CXCL17: variants seen among roughly 807,000 people sequenced by gnomAD.
CXCL17 encodes C-X-C motif chemokine ligand 17, also known as C-X-C motif chemokine 17.
Under a neutral mutation model 15.5 loss-of-function variants are expected in CXCL17, and 9 were observed. That is an observed-to-expected ratio of 0.58 (90% CI 0.35 to 1.01). The LOEUF is 1.01. CXCL17 is among the 50% of genes least tolerant of loss of function. The pLI is 0.02. For synonymous variants in CXCL17, 52 were observed against 52.3 expected, an observed-to-expected ratio of 0.99 and a Z score of 0.02; for missense variants, 133 against 138.2, an observed-to-expected ratio of 0.96 and a Z score of 0.19.
chr19:42,442,160 T>A (rs1244135654), intron 1 of CXCL17, among the ~76,000 whole-genome samples: 1 of 151,996 alleles, frequency 6.6e-6, no homozygotes, highest in Non-Finnish European at 1.5e-5. Context: ...AGCTAGTATA[T>A]ACATACATAC....
At chr19:42,435,582 C>T (rs763626090) in intron 1 of CXCL17, among the ~76,000 whole-genome samples, 11 of 152,098 alleles carry the variant, frequency 7.2e-5, no homozygotes, top group Admixed American at 2.0e-4. Flanking sequence ...CCTATAATCT[C>T]AGCAATTTGG....
intron 1 of CXCL17, among the ~76,000 whole-genome samples, chr19:42,440,108 A>G (rs10404650): frequency 0.017 from 2,557 of 152,310 alleles, 69 homozygotes; most frequent in African/African-American, 0.057. Context: ...GAAATGCATT[A>G]GATTTGTGAG....
At chr19:42,436,377 T>C (rs1226343756) in intron 1 of CXCL17, among the ~76,000 whole-genome samples, 1 of 152,214 alleles carries the variant, frequency 6.6e-6, no homozygotes, top group South Asian at 2.1e-4. Flanking sequence ...TTTCTAACAT[T>C]TTTACTCTTG....
chr19:42,429,110 C>T, intron 3 of CXCL17, 129 bp from the exon 4 acceptor site: 1 of 647,394 alleles, frequency 1.5e-6, no homozygotes, highest in Admixed American at 2.5e-5. Context: ...TCACTGCAAC[C>T]TCTGCCTCCC....
intron 3 of CXCL17, among the ~76,000 whole-genome samples, chr19:42,432,416 A>T (rs1464604484): frequency 3.3e-5 from 5 of 152,150 alleles, no homozygotes; most frequent in Admixed American, 3.3e-4. Flanking sequence ...AAGTACTGGG[A>T]TTACAGGCAT....
intron 3 of CXCL17, among the ~76,000 whole-genome samples, chr19:42,430,393 C>T (rs1297941946): frequency 6.6e-6 from 1 of 151,566 alleles, no homozygotes; most frequent in East Asian, 1.9e-4. Context: ...GTCAGGGGTT[C>T]GAGACCAGCC....
Position 42,429,122 on chromosome 19 carries a change from G to A in CXCL17, c.263-141C>T, listed in dbSNP as rs1347811921. The A allele has an allele frequency of 1.2e-5, 7 of 603,160 alleles. No individual in the cohort carries two copies. In the Admixed American group the frequency reaches 1.9e-4, roughly 16 times the overall value. 37.4% of individuals were successfully genotyped at this position (603,160 alleles called of 1,614,324 possible). A position where few individuals can be genotyped will look rare whatever the true frequency, so the allele number is the denominator to read the frequency against. Reference sequence around the variant, plus strand: ...AACTCACTGCAACCTCTGCCTCCCGGGTTCAAGTGATTCTCCTGCCTCAGC... The same window carrying A: ...AACTCACTGCAACCTCTGCCTCCCGAGTTCAAGTGATTCTCCTGCCTCAGC... On this transcript the variant is annotated intron_variant, in intron 3 of 3. Coordinates refer to ENST00000601181, the MANE Select transcript of CXCL17 (RefSeq NM_198477.3).
intron 1 of CXCL17, among the ~76,000 whole-genome samples, chr19:42,437,482 T>C (rs2040845174): frequency 6.6e-6 from 1 of 152,220 alleles, no homozygotes; most frequent in South Asian, 2.1e-4. Context: ...AGCTACTGGC[T>C]CTGTCACTTA....
chr19:42,429,374 G>A (rs1252780323), intron 3 of CXCL17, among the ~76,000 whole-genome samples: 1 of 151,656 alleles, frequency 6.6e-6, no homozygotes. Context: ...AGTTGCCCAG[G>A]CTGGAGTGCA....
chr19:42,435,533 A>G (rs2040825528), intron 1 of CXCL17, among the ~76,000 whole-genome samples: 3 of 151,882 alleles, frequency 2.0e-5, no homozygotes, highest in Non-Finnish European at 2.9e-5. Flanking sequence ...TGGTGTCCTT[A>G]TAAGAAAAGG....
In CXCL17 at chr19:42,433,494, A is replaced by T. The variant is rs189217782; in HGVS notation, c.160+282T>A. Among the ~76,000 whole-genome samples, 37 of 152,344 alleles carry T rather than the reference A, an allele frequency of 2.4e-4. 1 individual carries two copies. Among genetic ancestry groups the T allele is most frequent in the African/African-American group, 8.4e-4 (35 of 41,576 alleles). ...GGAAGCTTTTGGAAGGCCAGGAAAA[A>T]ATAAAAAGGCTTTTGGACGGTAGCT... On this transcript the variant is annotated intron_variant, in intron 2 of 3. Transcript: ENST00000601181.
chr19:42,433,497 A>G (rs550773005), intron 2 of CXCL17, among the ~76,000 whole-genome samples: 1 of 152,342 alleles, frequency 6.6e-6, no homozygotes, highest in African/African-American at 2.4e-5. Flanking sequence ...AGGAAAAAAT[A>G]AAAAGGCTTT....
chr19:42,434,575 T>C (rs553823973), intron 1 of CXCL17, among the ~76,000 whole-genome samples: 16 of 152,220 alleles, frequency 1.1e-4, no homozygotes, highest in African/African-American at 3.4e-4. Context: ...GCTTCAGGCA[T>C]GCACCACCAC....
At chr19:42,434,595 G>C (rs1327362913) in intron 1 of CXCL17, among the ~76,000 whole-genome samples, 1 of 151,900 alleles carries the variant, frequency 6.6e-6, no homozygotes, top group Non-Finnish European at 1.5e-5. Context: ...CTCCTGGCTA[G>C]TTTTTTGTAT....
At chr19:42,430,971 G>A (rs1202524052) in intron 3 of CXCL17, among the ~76,000 whole-genome samples, 1 of 152,058 alleles carries the variant, frequency 6.6e-6, no homozygotes, top group East Asian at 1.9e-4. Flanking sequence ...CTAAGTAGCT[G>A]GGATTACAGA....
At chr19:42,438,000 C>T (rs10416062) in intron 1 of CXCL17, among the ~76,000 whole-genome samples, 11,145 of 151,750 alleles carry the variant, frequency 0.073, 1,332 homozygotes, top group African/African-American at 0.25. Flanking sequence ...TATACACTTA[C>T]GATAAAGTCT....
chr19:42,435,022 AC>A (rs2040819575), intron 1 of CXCL17, among the ~76,000 whole-genome samples: 1 of 151,708 alleles, frequency 6.6e-6, no homozygotes, highest in Non-Finnish European at 1.5e-5. Flanking sequence ...TACTAAAAAT[AC>A]AAAAAATTAG....
At chr19:42,437,201 C>T (rs10422000) in intron 1 of CXCL17, among the ~76,000 whole-genome samples, 11,170 of 152,072 alleles carry the variant, frequency 0.073, 1,337 homozygotes, top group African/African-American at 0.25. Context: ...CCTCCCAAAG[C>T]GTTGGGATTA....
At chr19:42,438,354 C>CAAAAAAAA (rs34157586) in intron 1 of CXCL17, among the ~76,000 whole-genome samples, 1 of 17,464 alleles carries the variant, frequency 5.7e-5, no homozygotes, top group Non-Finnish European at 8.0e-5. Flanking sequence ...GACTCTGTCT[C>CAAAAAAAA]AAAAAAAAAA....
Sources: allele counts gnomAD v4.1 joint callset (sites outside exome capture counted in the v4.1 genomes callset), GRCh38; gene constraint gnomAD v4.1.1; transcripts MANE v1.5; gene names NCBI Gene and HGNC (gene_info 2026-07-23, HGNC 2026-07-21).